The following ARHGAP26 variants were observed in gnomAD, a reference collection of about 807,000 sequenced individuals.
ARHGAP26 encodes Rho GTPase activating protein 26.
A neutral mutation model predicts 104.8 loss-of-function variants in ARHGAP26; 38 were observed. The observed-to-expected ratio is 0.36, with a 90% CI of 0.28 to 0.48. The LOEUF is 0.48. Among genes scored for constraint, ARHGAP26 ranks in the 20% least tolerant of loss-of-function variants. The pLI is 0.99. For synonymous variants in ARHGAP26, 341 were observed against 340.0 expected (o/e 1.00, Z -0.03); for missense variants, 704 against 947.9 (o/e 0.74, Z 3.38).
At chr5:143,045,575 C>T (rs909435808) in intron 14 of ARHGAP26, among the ~76,000 whole-genome samples, 38 of 152,138 alleles carry the variant, frequency 2.5e-4, no homozygotes, top group African/African-American at 7.7e-4. Context: ...ATGGCTGGGC[C>T]GAGTGAACCT....
intron 1 of ARHGAP26, among the ~76,000 whole-genome samples, chr5:142,783,190 A>G (rs937789492): frequency 3.3e-5 from 5 of 152,348 alleles, no homozygotes; most frequent in African/African-American, 1.2e-4. Flanking sequence ...GGGTGTTTGC[A>G]TTACTGCAGG....
At chr5:142,913,061 C>T (rs1762044140) in intron 9 of ARHGAP26, 138 bp from the exon 10 acceptor site, 1 of 747,380 alleles carries the variant, frequency 1.3e-6, no homozygotes, top group South Asian at 1.6e-5. Context: ...TTTATAGTCA[C>T]CCTTCCACTG....
At chr5:143,066,334 A>G (rs1373578534) in intron 17 of ARHGAP26, among the ~76,000 whole-genome samples, 2 of 152,238 alleles carry the variant, frequency 1.3e-5, no homozygotes, top group East Asian at 1.9e-4. Flanking sequence ...GCCTAATGAC[A>G]TATTTCTCAG....
intron 10 of ARHGAP26, among the ~76,000 whole-genome samples, chr5:142,920,276 CA>C (rs1363447239): frequency 6.6e-6 from 1 of 152,174 alleles, no homozygotes; most frequent in Non-Finnish European, 1.5e-5. Context: ...TGTGTTCTGT[CA>C]CTTTGAATAA....
At chr5:143,014,685 G>T (rs1041340069) in intron 12 of ARHGAP26, among the ~76,000 whole-genome samples, 1 of 152,196 alleles carries the variant, frequency 6.6e-6, no homozygotes, top group Admixed American at 6.5e-5. Flanking sequence ...TTGCCCTGCT[G>T]CTGCCTGTAA....
chr5:143,012,344 G>T lies in ARHGAP26; in HGVS notation c.1108-1736G>T, dbSNP rs1303482999. On this transcript the variant is annotated intron_variant, in intron 11 of 22. Transcript: ENST00000645722. ...CAATAGATGCCCAGAGAGGCTAAGA[G>T]ACCCAGTGACACAAAGCAGCTGAAG... Among the ~76,000 whole-genome samples, 3 of 150,730 alleles carry T rather than the reference G, an allele frequency of 2.0e-5. No homozygotes were observed. The East Asian group carries it at 5.8e-4, about 29-fold the overall frequency.
rs189831760 is a variant in ARHGAP26 at position 143,226,048 on chromosome 5, C to A, written c.*3602C>A. The A allele has an allele frequency of 4.7e-6, 1 of 212,790 alleles. No homozygotes were observed. Among genetic ancestry groups the A allele is most frequent in the East Asian group, 7.0e-5 (1 of 14,218 alleles). 13.2% of individuals were successfully genotyped at this position (212,790 alleles called of 1,614,324 possible). A position where few individuals can be genotyped will look rare whatever the true frequency, so the allele number is the denominator to read the frequency against. ...GGTTATCAGAGTGGAAGACCATGGC[C>A]CAGGATCCCTGAGCTTTCCCAGTAG... is the stretch of plus-strand genomic sequence containing the variant. On this transcript the variant is annotated 3_prime_UTR_variant, in exon 23 of 23. Transcript: ENST00000645722.
intron 17 of ARHGAP26, 40 bp downstream of exon 17, chr5:143,057,787 G>T (rs1287731874): frequency 6.5e-7 from 1 of 1,535,312 alleles, no homozygotes; most frequent in African/African-American, 1.4e-5. Context: ...TCTTACCCCT[G>T]AAAGTTCTTA....
In ARHGAP26 at chr5:143,166,088, T is replaced by A. The variant is rs1421994803; in HGVS notation, c.1988+18707T>A. On this transcript the variant is annotated intron_variant, in intron 20 of 22. Coordinates refer to ENST00000645722, the MANE Select transcript of ARHGAP26 (RefSeq NM_001135608.3). The stretch of plus-strand genomic sequence containing the variant: ...TGAGGTGCAGAGTCCTGCTTCGTGA[T>A]GGGCACAAGGTGAGAAGGGAGGCTG... 8.3e-6 allele frequency: 11 copies of A among 1,317,780 alleles called. No homozygotes were observed. The East Asian group carries it at 4.4e-4, about 53-fold the overall frequency. The allele number at this position is 1,317,780 out of a possible 1,614,324, so 81.6% of individuals were successfully genotyped here.
chr5:143,217,059 G>A (rs1438734), intron 22 of ARHGAP26, among the ~76,000 whole-genome samples: 50,913 of 151,982 alleles, frequency 0.33, 9,919 homozygotes, highest in African/African-American at 0.53. Context: ...GGTAAAGGCT[G>A]TTTAATTTGT....
rs78582191 is a variant in ARHGAP26, at chr5:143,015,790, G to A, written c.1144+1674G>A. On this transcript the variant is annotated intron_variant, in intron 12 of 22. Coordinates refer to ENST00000645722, the MANE Select transcript of ARHGAP26 (RefSeq NM_001135608.3). ...CCAGCCAGAAGTTTACTTTTAACTT[G>A]TGACCTTATGAACCTACATCTCTCT... 3.3e-3 allele frequency among the ~76,000 whole-genome samples: 500 copies of A among 152,326 alleles called. 18 individuals are homozygous for A. In the East Asian group the frequency reaches 0.056, roughly 17 times the overall value.
intron 11 of ARHGAP26, among the ~76,000 whole-genome samples, chr5:142,997,407 C>T (rs1405709578): frequency 6.6e-6 from 1 of 151,816 alleles, no homozygotes; most frequent in Non-Finnish European, 1.5e-5. Context: ...TTTCCTTTTT[C>T]TTTTCTTGAG....
chr5:142,940,115 A>G (rs181893453), intron 11 of ARHGAP26, among the ~76,000 whole-genome samples: 33 of 152,322 alleles, frequency 2.2e-4, no homozygotes, highest in Admixed American at 1.8e-3. Flanking sequence ...CTTTGCTATG[A>G]TGCATCCCAG....
At chr5:143,013,965 T>TA (rs1415885062) in intron 11 of ARHGAP26, 115 bp from the exon 12 acceptor site, 15 of 978,814 alleles carry the variant, frequency 1.5e-5, no homozygotes, top group Admixed American at 4.1e-5. Flanking sequence ...AGCCAGAAAT[T>TA]ACCTTCCACT....
At position 143,022,230 on chromosome 5, in the gene ARHGAP26, C is replaced by T. The variant is rs143264971; in HGVS notation, c.1144+8114C>T. ...GGGATTACAGGTGCCTGCTACCACA[C>T]CTGGCTAATTTTTTTTATTTTTAGT... On this transcript the variant is annotated intron_variant, in intron 12 of 22. Coordinates refer to ENST00000645722, the MANE Select transcript of ARHGAP26 (RefSeq NM_001135608.3). Among the ~76,000 whole-genome samples, 2,161 of 152,236 alleles carry T rather than the reference C, an allele frequency of 0.014. 183 individuals are homozygous for T. In the East Asian group the frequency reaches 0.25, roughly 17 times the overall value.
intron 11 of ARHGAP26, among the ~76,000 whole-genome samples, chr5:143,012,576 T>TATACATATATATATATATATATATACATA (rs1554195628): frequency 1.8e-5 from 1 of 57,032 alleles, no homozygotes; most frequent in Non-Finnish European, 5.2e-5. Flanking sequence ...TATATATATA[T>TATACATATATATATATATATATATACATA]TATGATCAGG....
intron 1 of ARHGAP26, among the ~76,000 whole-genome samples, chr5:142,845,972 T>TC (rs1191876915): frequency 6.6e-6 from 1 of 152,214 alleles, no homozygotes; most frequent in Non-Finnish European, 1.5e-5. Flanking sequence ...TGCCTTTTTT[T>TC]CCCCTGTGAG....
At chr5:143,159,192 C>T (rs1427713625) in intron 20 of ARHGAP26, among the ~76,000 whole-genome samples, 2 of 152,182 alleles carry the variant, frequency 1.3e-5, no homozygotes, top group African/African-American at 2.4e-5. Context: ...GAATAAATGC[C>T]TTGGCCGTCT....
chr5:143,000,067 C>T (rs1469101525), intron 11 of ARHGAP26, among the ~76,000 whole-genome samples: 1 of 152,284 alleles, frequency 6.6e-6, no homozygotes, highest in African/African-American at 2.4e-5. Flanking sequence ...TACTGCTACG[C>T]ATACCCATTA....
Sources: allele counts gnomAD v4.1 joint callset (sites outside exome capture counted in the v4.1 genomes callset), GRCh38; gene constraint gnomAD v4.1.1; transcripts MANE v1.5; gene names NCBI Gene and HGNC (gene_info 2026-07-23, HGNC 2026-07-21).